EFR3B: variants seen among roughly 807,000 people sequenced by gnomAD.
The protein encoded by EFR3B is protein EFR3 homolog B.
A neutral mutation model predicts 104.7 loss-of-function variants in EFR3B; 64 were observed. The observed-to-expected ratio is 0.61, with a 90% CI of 0.50 to 0.75. The LOEUF is 0.75. Ranked by LOEUF, EFR3B falls within the 30% of genes least tolerant of loss-of-function variation. The pLI, the probability that EFR3B is intolerant of heterozygous loss-of-function variation, is 0.00. For missense variants in EFR3B, 750 were observed against 1,078.5 expected (o/e 0.70, Z 4.27); for synonymous variants, 385 against 417.9 (o/e 0.92, Z 0.96).
chr2:25,120,878 T>A (rs1669993686), intron 4 of EFR3B, among the ~76,000 whole-genome samples: 1 of 152,062 alleles, frequency 6.6e-6, no homozygotes, highest in Non-Finnish European at 1.5e-5. Context: ...GGACTCCAAT[T>A]TTTGTTGTTA....
intron 12 of EFR3B, among the ~76,000 whole-genome samples, chr2:25,135,078 T>C (rs1462177691): frequency 6.6e-6 from 1 of 152,166 alleles, no homozygotes; most frequent in African/African-American, 2.4e-5. Flanking sequence ...TTCCACTGTC[T>C]CGTTCTTTGT....
At position 25,151,999 on chromosome 2, in the gene EFR3B, T is replaced by A; in HGVS notation, c.2277T>A (p.Ile759=). ...TCCAGAAGGCACCCTTCGAGGAGAT[T>A]GCTGCACACTGCGGGGCCCGGGTAA... ...EKFQKAPFEE[I]AAHCGARASL... The change falls in exon 21 of 23, where the codon ATT becomes ATA. Residue 759 remains isoleucine (I), a synonymous_variant. Coordinates refer to ENST00000403714, the MANE Select transcript of EFR3B (RefSeq NM_014971.2). 6.4e-7 allele frequency: 1 copy of A among 1,551,678 alleles called. No individual in the cohort carries two copies. The highest frequency in any genetic ancestry group is 8.7e-7 in the Non-Finnish European group (1 of 1,146,990).
chr2:25,100,200 G>A (rs1326664919), intron 3 of EFR3B, among the ~76,000 whole-genome samples: 15 of 151,708 alleles, frequency 9.9e-5, no homozygotes, highest in Admixed American at 4.6e-4. Context: ...GCAAAACTCC[G>A]TCTCAAAAAA....
intron 1 of EFR3B, among the ~76,000 whole-genome samples, chr2:25,045,536 C>G (rs1667690370): frequency 6.6e-6 from 1 of 152,096 alleles, no homozygotes. Flanking sequence ...TATCCCAGCA[C>G]TTTAGGAGGC....
At position 25,077,401 on chromosome 2, in the gene EFR3B, C is replaced by T. The variant is rs571673451; in HGVS notation, c.8-13924C>T. Among the ~76,000 whole-genome samples the T allele has an allele frequency of 1.9e-4, 29 of 152,318 alleles. 1 individual carries two copies. Among genetic ancestry groups the T allele is most frequent in the East Asian group, 7.7e-4 (4 of 5,188 alleles). ...CTCCTAGGTTGAAGCAATTCTCCTG[C>T]CTCAGCCTCCTGAGTAGCTGGGATT... On this transcript the variant is annotated intron_variant, in intron 1 of 22. Coordinates refer to ENST00000403714, the MANE Select transcript of EFR3B (RefSeq NM_014971.2).
rs564172696 is a variant in EFR3B, at chr2:25,051,516, C to T, written c.7+9197C>T. 4.6e-5 allele frequency among the ~76,000 whole-genome samples: 7 copies of T among 152,122 alleles called. No individual in the cohort carries two copies. The South Asian group carries it at 1.0e-3, about 22-fold the overall frequency. On this transcript the variant is annotated intron_variant, in intron 1 of 22. Coordinates refer to ENST00000403714, the MANE Select transcript of EFR3B (RefSeq NM_014971.2). Reference sequence around the variant, plus strand: ...GAGGCCATCTGGTCACACTCCTTTGCGTACCATATTTTAATTCACCGCATG... The same window carrying T: ...GAGGCCATCTGGTCACACTCCTTTGTGTACCATATTTTAATTCACCGCATG...
At position 25,151,881 on chromosome 2, in the gene EFR3B, G is replaced by A. The variant is rs148700074; in HGVS notation, c.2192-33G>A. On this transcript the variant is annotated intron_variant, in intron 20 of 22. Coordinates refer to ENST00000403714, the MANE Select transcript of EFR3B (RefSeq NM_014971.2). ...TCCCTCCCTTCACCTCAGTGAGCAG[G>A]GCCTGGCACTAACCCAGCTCTCTGT... 2.6e-6 allele frequency: 4 copies of A among 1,550,038 alleles called. No individual in the cohort carries two copies. The East Asian group carries it at 7.3e-5, about 28-fold the overall frequency.
chr2:25,121,818 G>C, intron 5 of EFR3B, 24 bp downstream of exon 5: 1 of 1,551,770 alleles, frequency 6.4e-7, no homozygotes, highest in Non-Finnish European at 8.7e-7. Flanking sequence ...GGCAAGGGTA[G>C]TTGGTTCAGC....
intron 1 of EFR3B, chr2:25,081,613 C>T (rs192465896): frequency 1.7e-5 from 13 of 764,576 alleles, no homozygotes; most frequent in African/African-American, 8.6e-5. Flanking sequence ...AGCAGTGGCC[C>T]GCAGGGCTGT....
rs569555712 is a variant in EFR3B, at chr2:25,129,119, T to A, written c.635+787T>A. Among the ~76,000 whole-genome samples the A allele has an allele frequency of 3.3e-5, 5 of 150,808 alleles. No individual in the cohort carries two copies. In the South Asian group the frequency reaches 1.1e-3, roughly 32 times the overall value. On this transcript the variant is annotated intron_variant, in intron 6 of 22. Coordinates refer to ENST00000403714, the MANE Select transcript of EFR3B (RefSeq NM_014971.2). ...GCATGCTTGACCAGCCCGCAGCCAC[T>A]CAGTAAGAGCTTGCAGATACTGGGT...
intron 1 of EFR3B, chr2:25,081,519 T>A: frequency 8.2e-7 from 1 of 1,214,994 alleles, no homozygotes; most frequent in Non-Finnish European, 1.2e-6. Context: ...TACTCATGTA[T>A]TCATGTAGTG....
intron 4 of EFR3B, among the ~76,000 whole-genome samples, chr2:25,105,322 T>C (rs1669534405): frequency 6.6e-6 from 1 of 152,132 alleles, no homozygotes; most frequent in African/African-American, 2.4e-5. Context: ...CTGGCTAATA[T>C]TTGTTTTTAG....
Position 25,156,841 on chromosome 2 carries a change from A to G in EFR3B, c.*2501A>G, listed in dbSNP as rs1293516278. ...AAAATTGAAATCTTGAGCCACAAAC[A>G]TGTTCTTTCCTCACTAGCTCCTCCC... is the stretch of plus-strand genomic sequence containing the variant. On this transcript the variant is annotated 3_prime_UTR_variant, in exon 23 of 23. Coordinates refer to ENST00000403714, the MANE Select transcript of EFR3B (RefSeq NM_014971.2). 6.6e-6 allele frequency: 1 copy of G among 152,194 alleles called. No homozygotes were observed. The highest frequency in any genetic ancestry group is 2.4e-5 in the African/African-American group (1 of 41,450). 9.4% of individuals were successfully genotyped at this position (152,194 alleles called of 1,614,324 possible). A position where few individuals can be genotyped will look rare whatever the true frequency, so the allele number is the denominator to read the frequency against.
intron 4 of EFR3B, among the ~76,000 whole-genome samples, chr2:25,107,359 T>A (rs1425981820): frequency 6.6e-6 from 1 of 152,168 alleles, no homozygotes; most frequent in Admixed American, 6.5e-5. Flanking sequence ...GCTCCCTGAA[T>A]TGGCATAGCA....
At chr2:25,122,718 C>A (rs1478667588) in intron 5 of EFR3B, among the ~76,000 whole-genome samples, 2 of 152,108 alleles carry the variant, frequency 1.3e-5, no homozygotes, top group Non-Finnish European at 2.9e-5. Context: ...TGCACACCCC[C>A]ACATGCCCAC....
chr2:25,099,927 G>A (rs1669384510), intron 3 of EFR3B, among the ~76,000 whole-genome samples: 1 of 152,048 alleles, frequency 6.6e-6, no homozygotes, highest in East Asian at 1.9e-4. Context: ...AATAGGCTGG[G>A]TGCAGTGGCT....
intron 19 of EFR3B, chr2:25,145,997 A>C (rs910813923): frequency 1.3e-5 from 2 of 151,894 alleles, no homozygotes; most frequent in Admixed American, 6.6e-5. Context: ...ATCCCCCACC[A>C]GAGTACCATA....
rs115500214 is a variant in EFR3B at position 25,044,950 on chromosome 2, T to C, written c.7+2631T>C. 1.7e-3 allele frequency among the ~76,000 whole-genome samples: 254 copies of C among 152,344 alleles called. 3 individuals carry two copies. The highest frequency in any genetic ancestry group is 5.8e-3 in the African/African-American group (243 of 41,574). ...TTGTTCTGAGGTCATCCCATCTGAA[T>C]CCAGGAGCCCTTTCATGGCTGGGTG... On this transcript the variant is annotated intron_variant, in intron 1 of 22. Coordinates refer to ENST00000403714, the MANE Select transcript of EFR3B (RefSeq NM_014971.2).
rs762997755 is a variant in EFR3B at position 25,091,319 on chromosome 2, T to C, written c.8-6T>C. On this transcript the variant is annotated splice_polypyrimidine_tract_variant and splice_region_variant and intron_variant, in intron 1 of 22. Transcript: ENST00000403714. ...TTGCTCACAGTTTTTCCCATTCTTA[T>C]TCCAGGTGTGTGTGGCTGCTGTGGT... is the stretch of plus-strand genomic sequence containing the variant. The C allele has an allele frequency of 3.5e-5, 54 of 1,549,766 alleles. No homozygotes were observed. The highest frequency in any genetic ancestry group is 4.5e-5 in the Non-Finnish European group (52 of 1,146,170).
Sources: allele counts gnomAD v4.1 joint callset (sites outside exome capture counted in the v4.1 genomes callset), GRCh38; gene constraint gnomAD v4.1.1; transcripts MANE v1.5; gene names NCBI Gene and HGNC (gene_info 2026-07-23, HGNC 2026-07-21).